The following NF1 variants were observed in gnomAD, a reference collection of about 807,000 sequenced individuals.
The protein encoded by NF1 is neurofibromin.
A neutral mutation model predicts 325.7 loss-of-function variants in NF1; 122 were observed. That is an observed-to-expected ratio of 0.37 (90% CI 0.32 to 0.44). The LOEUF is 0.44. Among genes scored for constraint, NF1 ranks in the 20% least tolerant of loss-of-function variants. The pLI is 1.00. For missense variants in NF1, 2,140 were observed against 3,415.4 expected (o/e 0.63, Z 9.31); for synonymous variants, 1,091 against 1,186.0 (o/e 0.92, Z 1.65).
chr17:31,251,417 A>G (rs2067491966), intron 30 of NF1: 1 of 198,936 alleles, frequency 5.0e-6, no homozygotes, highest in African/African-American at 2.3e-5. Flanking sequence ...ATTACTTTAT[A>G]TACCTTCCTT....
At chr17:31,242,305 CTTTTTTTTTTTTTT>C (rs200376987) in intron 29 of NF1, among the ~76,000 whole-genome samples, 30 of 68,860 alleles carry the variant, frequency 4.4e-4, no homozygotes, top group Middle Eastern at 9.4e-3. Context: ...CATAAGTTCT[CTTTTTTTTTTTTTT>C]TTTTTTTTTT....
At chr17:31,312,887 C>T (rs574102498) in intron 36 of NF1, among the ~76,000 whole-genome samples, 48 of 152,174 alleles carry the variant, frequency 3.2e-4, no homozygotes, top group Non-Finnish European at 5.7e-4. Flanking sequence ...ATTTTACCCA[C>T]AGCAAGCATC....
At chr17:31,180,753 AGGCAAGAGAAAG>A (rs1315079216) in intron 5 of NF1, among the ~76,000 whole-genome samples, 7 of 152,228 alleles carry the variant, frequency 4.6e-5, no homozygotes, top group Admixed American at 1.3e-4. Context: ...CAGGGCAATC[AGGCAAGAGAAAG>A]AAATAAAGGG....
intron 48 of NF1, among the ~76,000 whole-genome samples, chr17:31,344,575 T>TGA (rs976998476): frequency 4.6e-5 from 7 of 151,906 alleles, no homozygotes; most frequent in South Asian, 2.1e-4. Flanking sequence ...CCAGTTTTTA[T>TGA]GAGAGAGAGA....
At chr17:31,217,919 C>G (rs2066849116) in intron 13 of NF1, among the ~76,000 whole-genome samples, 1 of 138,522 alleles carries the variant, frequency 7.2e-6, no homozygotes, top group African/African-American at 2.7e-5. Flanking sequence ...GAGCCGAGAT[C>G]ACGCCATTGC....
chr17:31,278,493 CTTTTTTTTTTTTTTTTTTTTTT>C (rs200450821), intron 36 of NF1, among the ~76,000 whole-genome samples: 15 of 15,338 alleles, frequency 9.8e-4, no homozygotes, highest in Admixed American at 6.8e-3. Context: ...GTAATTGAAG[CTTTTTTTTTTTTTTTTTTTTTT>C]TTTTTTTTTT....
intron 4 of NF1, among the ~76,000 whole-genome samples, chr17:31,164,169 T>C (rs2143678679): frequency 6.6e-6 from 1 of 152,362 alleles, no homozygotes; most frequent in East Asian, 1.9e-4. Flanking sequence ...TCAGAATTTA[T>C]ATTAGTTTCA....
Position 31,206,313 on chromosome 17 carries a change from A to G in NF1, c.1334A>G (p.Glu445Gly), listed in dbSNP as rs1228959883. ...HSVELRNMFG[E>G]TLHKAVQGCG... ...GTTGAACTTCGAAATATGTTTGGTG[A>G]AACACTTCATAAAGCAGTGCAAGGT... Residue 445 changes from glutamate (E) to glycine (G), a missense_variant, in exon 12 of 58, where the codon GAA (glutamate) becomes GGA (glycine). Physicochemically the swap from Glu to Gly is moderately conservative, Grantham distance 98. Around this residue, in one of 10 missense-constraint regions of NF1, gnomAD observed 179 missense variants for 381.0 expected, o/e 0.47. Transcript: ENST00000358273. 1 of 1,613,816 alleles carries G rather than the reference A, an allele frequency of 6.2e-7. No homozygotes were observed. Among genetic ancestry groups the G allele is most frequent in the Admixed American group, 1.7e-5 (1 of 60,006 alleles).
rs1028961967 is a variant in NF1, at chr17:31,360,702, A to C, written c.8376A>C (p.Pro2792=). The change falls in exon 57 of 58, where the codon CCA becomes CCC. Residue 2792 remains proline, a splice_region_variant and synonymous_variant. Coordinates refer to ENST00000358273, the MANE Select transcript of NF1 (RefSeq NM_001042492.3). ...MTSLATSQHS[P]GIDKENVELS... ...CACTTGCAACTTCCCAGCATTCCCC[A>C]GGTCAGTAAATGTGATCTTTATATG... 4 of 1,609,268 alleles carry C rather than the reference A, an allele frequency of 2.5e-6. No homozygotes were observed. Among genetic ancestry groups the C allele is most frequent in the Non-Finnish European group, 2.6e-6 (3 of 1,175,630 alleles).
chr17:31,360,653 T>G lies in NF1; in HGVS notation c.8327T>G (p.Leu2776Arg), dbSNP rs2151588148. The G allele has an allele frequency of 6.2e-7, 1 of 1,614,098 alleles. No individual in the cohort carries two copies. Among genetic ancestry groups the G allele is most frequent in the Non-Finnish European group, 8.5e-7 (1 of 1,180,006 alleles). ...LQSQLSITAN[L>R]NLSNSMTSLA... ...AGCCAGCTTAGTATCACTGCCAACC[T>G]TAACCTTTCTAATTCCATGACCTCA... The change falls in exon 57 of 58, where the codon CTT becomes CGT. Residue 2776 changes from leucine (L) to arginine (R), a missense_variant. Physicochemically the swap from Leu to Arg is moderately radical, Grantham distance 102 (BLOSUM62 -2). Around this residue, in one of 10 missense-constraint regions of NF1, gnomAD observed 522 missense variants for 749.0 expected, o/e 0.70. Coordinates refer to ENST00000358273, the MANE Select transcript of NF1 (RefSeq NM_001042492.3).
intron 1 of NF1, among the ~76,000 whole-genome samples, chr17:31,100,764 T>A (rs2143206903): frequency 6.6e-6 from 1 of 152,244 alleles, no homozygotes; most frequent in South Asian, 2.1e-4. Flanking sequence ...AGACAGGGTT[T>A]CACCGTGCTA....
intron 56 of NF1, 176 bp downstream of exon 56, chr17:31,359,191 T>C (rs2070345386): frequency 2.7e-5 from 16 of 601,916 alleles, no homozygotes; most frequent in Non-Finnish European, 3.5e-5. Context: ...GGAGGCAGCA[T>C]GGTGTTGGGG....
chr17:31,167,784 A>G (rs1050385308), intron 4 of NF1, among the ~76,000 whole-genome samples: 14 of 152,212 alleles, frequency 9.2e-5, no homozygotes, highest in African/African-American at 3.4e-4. Flanking sequence ...GTTTAAAAAT[A>G]TCTACATATT....
At chr17:31,261,580 C>T in intron 34 of NF1, 131 bp from the exon 35 acceptor site, 2 of 887,466 alleles carry the variant, frequency 2.3e-6, no homozygotes. Context: ...AGACATGGTC[C>T]TGAGGTCTTT....
chr17:31,132,639 C>A (rs1915475291), intron 1 of NF1, among the ~76,000 whole-genome samples: 1 of 152,220 alleles, frequency 6.6e-6, no homozygotes, highest in East Asian at 1.9e-4. Context: ...TTCTGCTATG[C>A]ATTTTTCCCC....
chr17:31,151,165 T>G (rs1163618408), intron 1 of NF1, among the ~76,000 whole-genome samples: 1 of 152,208 alleles, frequency 6.6e-6, no homozygotes, highest in African/African-American at 2.4e-5. Context: ...TTTCTATGTT[T>G]AGATACACAA....
At position 31,313,487 on chromosome 17, in the gene NF1, C is replaced by T. The variant is rs17883446; in HGVS notation, c.4836-12333C>T. 9.0e-3 allele frequency among the ~76,000 whole-genome samples: 1,373 copies of T among 151,920 alleles called. 20 individuals are homozygous for T. The highest frequency in any genetic ancestry group is 0.032 in the African/African-American group (1,316 of 41,450). On this transcript the variant is annotated intron_variant, in intron 36 of 57. Transcript: ENST00000358273. ...GGGAGGCGGAGGTAAGCGGATCACCCAAGGTCAGGAGTAGGAGACCAGCCT... is the reference window on the plus strand; with the variant it reads ...GGGAGGCGGAGGTAAGCGGATCACCTAAGGTCAGGAGTAGGAGACCAGCCT...
Position 31,095,101 on chromosome 17 carries a change from C to G in NF1, c.-209C>G. 4.2e-6 allele frequency: 2 copies of G among 476,382 alleles called. No individual in the cohort carries two copies. Among genetic ancestry groups the G allele is most frequent in the East Asian group, 6.8e-5 (2 of 29,312 alleles). The allele number at this position is 476,382 out of a possible 1,614,324, so 29.5% of individuals were successfully genotyped here. A position where few individuals can be genotyped will look rare whatever the true frequency, so the allele number is the denominator to read the frequency against. On this transcript the variant is annotated 5_prime_UTR_variant, in exon 1 of 58. Coordinates refer to ENST00000358273, the MANE Select transcript of NF1 (RefSeq NM_001042492.3). Reference sequence around the variant, plus strand: ...GTCCCCTTCCCCTATCCCCCTCCCCCCAGCCTCCTTGCCAACGCCCCCTTT... The same window carrying G: ...GTCCCCTTCCCCTATCCCCCTCCCCGCAGCCTCCTTGCCAACGCCCCCTTT...
At chr17:31,116,119 T>C (rs571068021) in intron 1 of NF1, among the ~76,000 whole-genome samples, 10 of 152,310 alleles carry the variant, frequency 6.6e-5, no homozygotes, top group South Asian at 2.1e-4. Context: ...CTCACTAATT[T>C]TGTTGAAATC....
Sources: allele counts gnomAD v4.1 joint callset (sites outside exome capture counted in the v4.1 genomes callset), GRCh38; gene constraint gnomAD v4.1.1; regional missense constraint gnomAD v4.1.1; transcripts MANE v1.5; gene names NCBI Gene and HGNC (gene_info 2026-07-23, HGNC 2026-07-21).